Variants in GALNTL6 observed in about 807,000 individuals in gnomAD.
GALNTL6 encodes polypeptide N-acetylgalactosaminyltransferase-like 6.
A neutral mutation model predicts 73.7 loss-of-function variants in GALNTL6; 46 were observed. The observed-to-expected ratio is 0.62, with a 90% CI of 0.49 to 0.80. The LOEUF is 0.80. Among genes scored for constraint, GALNTL6 ranks in the 30% least tolerant of loss-of-function variants. GALNTL6 has a pLI of 0.00. For missense variants in GALNTL6, 604 were observed against 755.0 expected, an observed-to-expected ratio of 0.80 and a Z score of 2.34; for synonymous variants, 259 against 263.7, an observed-to-expected ratio of 0.98 and a Z score of 0.17.
chr4:171,973,883 G>T (rs1241127788), intron 2 of GALNTL6, among the ~76,000 whole-genome samples: 1 of 152,188 alleles, frequency 6.6e-6, no homozygotes, highest in Non-Finnish European at 1.5e-5. Context: ...ACTGAAATGA[G>T]AAGCCAAGGG....
chr4:172,226,587 G>T (rs375834626), intron 2 of GALNTL6, among the ~76,000 whole-genome samples: 2 of 39,972 alleles, frequency 5.0e-5, no homozygotes, highest in African/African-American at 9.5e-5. Flanking sequence ...GTGTCTGTGT[G>T]TCTGTGTGTG....
chr4:171,938,849 C>T (rs1229169740), intron 2 of GALNTL6, among the ~76,000 whole-genome samples: 1 of 151,996 alleles, frequency 6.6e-6, no homozygotes, highest in Non-Finnish European at 1.5e-5. Flanking sequence ...AAATCCATGG[C>T]TTATGGGTGT....
At chr4:172,598,171 T>C (rs1737932158) in intron 5 of GALNTL6, among the ~76,000 whole-genome samples, 1 of 152,086 alleles carries the variant, frequency 6.6e-6, no homozygotes, top group Non-Finnish European at 1.5e-5. Flanking sequence ...GCTTCTTTAT[T>C]ATACATAGGC....
intron 5 of GALNTL6, among the ~76,000 whole-genome samples, chr4:172,365,327 G>C (rs541651572): frequency 1.1e-4 from 17 of 152,074 alleles, no homozygotes; most frequent in African/African-American, 3.9e-4. Context: ...TTGGGGAAGG[G>C]TTTATCTTAG....
intron 5 of GALNTL6, among the ~76,000 whole-genome samples, chr4:172,802,732 G>A (rs1270494736): frequency 6.6e-6 from 1 of 152,160 alleles, no homozygotes; most frequent in Non-Finnish European, 1.5e-5. Context: ...GAACCTGGGA[G>A]GTGGAGGCTG....
intron 5 of GALNTL6, among the ~76,000 whole-genome samples, chr4:172,662,272 A>G (rs1731416151): frequency 6.6e-6 from 1 of 152,188 alleles, no homozygotes; most frequent in Admixed American, 6.5e-5. Flanking sequence ...TCATTTCTAT[A>G]AGGCAGTCAT....
chr4:172,275,426 C>G (rs919300968), intron 3 of GALNTL6, among the ~76,000 whole-genome samples: 1 of 152,114 alleles, frequency 6.6e-6, no homozygotes. Flanking sequence ...CACTTATTAA[C>G]TGGGTGAACT....
chr4:172,443,314 C>T (rs182202955), intron 5 of GALNTL6, among the ~76,000 whole-genome samples: 9 of 150,726 alleles, frequency 6.0e-5, no homozygotes, highest in African/African-American at 2.2e-4. Context: ...TACAGGTATG[C>T]CCCACTATGC....
intron 5 of GALNTL6, among the ~76,000 whole-genome samples, chr4:172,788,359 G>C (rs923324830): frequency 7.3e-5 from 11 of 151,710 alleles, no homozygotes; most frequent in Admixed American, 2.0e-4. Flanking sequence ...GCTAGAGCAA[G>C]ACCCTATCTC....
chr4:172,055,633 G>A (rs888393741), intron 2 of GALNTL6, among the ~76,000 whole-genome samples: 7 of 152,108 alleles, frequency 4.6e-5, no homozygotes, highest in Non-Finnish European at 1.5e-5. Flanking sequence ...ACCAGACATT[G>A]CAAATGGGAA....
chr4:172,664,127 T>C (rs1225675681), intron 5 of GALNTL6, among the ~76,000 whole-genome samples: 1 of 152,202 alleles, frequency 6.6e-6, no homozygotes, highest in Non-Finnish European at 1.5e-5. Flanking sequence ...GAAGGTTTAC[T>C]ACCTTAGGCA....
chr4:172,252,389 A>G (rs977168903), intron 3 of GALNTL6, among the ~76,000 whole-genome samples: 3 of 152,158 alleles, frequency 2.0e-5, no homozygotes, highest in Non-Finnish European at 2.9e-5. Context: ...CAACATATCC[A>G]AGGTTGAGAG....
chr4:171,968,085 G>T (rs895589620), intron 2 of GALNTL6, among the ~76,000 whole-genome samples: 8 of 152,078 alleles, frequency 5.3e-5, no homozygotes, highest in African/African-American at 1.9e-4. Context: ...GGTTACTATA[G>T]CAGTCTTCTT....
chr4:172,334,376 C>G (rs990826887), intron 4 of GALNTL6, among the ~76,000 whole-genome samples: 6 of 152,018 alleles, frequency 3.9e-5, no homozygotes, highest in Non-Finnish European at 5.9e-5. Flanking sequence ...TTCTTCTGAC[C>G]CATAAGTATA....
intron 5 of GALNTL6, among the ~76,000 whole-genome samples, chr4:172,426,075 C>T (rs879729594): frequency 1.3e-5 from 2 of 151,986 alleles, no homozygotes; most frequent in Non-Finnish European, 2.9e-5. Context: ...CATGTGTTTT[C>T]AGACAACAAA....
chr4:172,839,461 T>C (rs1304795672), intron 7 of GALNTL6, among the ~76,000 whole-genome samples: 2 of 152,206 alleles, frequency 1.3e-5, no homozygotes, highest in African/African-American at 4.8e-5. Flanking sequence ...CAGTCTTGAT[T>C]AAACTGTGAG....
chr4:172,646,573 CAT>C (rs1740252539), intron 5 of GALNTL6, among the ~76,000 whole-genome samples: 1 of 151,974 alleles, frequency 6.6e-6, no homozygotes, highest in Non-Finnish European at 1.5e-5. Context: ...GTTAGTACTA[CAT>C]AGTCTGTATA....
rs554965481 is a variant in GALNTL6, at chr4:171,992,774, A to G, written c.138+178056A>G. On this transcript the variant is annotated intron_variant, in intron 2 of 12. Coordinates refer to ENST00000506823, the MANE Select transcript of GALNTL6 (RefSeq NM_001034845.3). Reference sequence around the variant, plus strand: ...TAAGTAGCCTAGGGTTTCATAGAACATAAGTTGAAATTAATTGACCTCATT... The same window carrying G: ...TAAGTAGCCTAGGGTTTCATAGAACGTAAGTTGAAATTAATTGACCTCATT... Among the ~76,000 whole-genome samples the G allele has an allele frequency of 3.3e-5, 5 of 152,218 alleles. No homozygotes were observed. The East Asian group carries it at 9.6e-4, about 29-fold the overall frequency.
At chr4:172,451,163 A>G (rs1032874353) in intron 5 of GALNTL6, among the ~76,000 whole-genome samples, 4 of 152,194 alleles carry the variant, frequency 2.6e-5, no homozygotes, top group Non-Finnish European at 5.9e-5. Flanking sequence ...GAAGATTCTC[A>G]TGGTAATTTA....
Sources: allele counts gnomAD v4.1 joint callset (sites outside exome capture counted in the v4.1 genomes callset), GRCh38; gene constraint gnomAD v4.1.1; transcripts MANE v1.5; gene names NCBI Gene and HGNC (gene_info 2026-07-23, HGNC 2026-07-21).